CEP128: variants seen among roughly 807,000 people sequenced by gnomAD.
CEP128 encodes centrosomal protein 128kDa.
A neutral mutation model predicts 156.7 loss-of-function variants in CEP128; 132 were observed. The ratio of observed to expected loss-of-function variants is 0.84; its 90% CI spans 0.73 to 0.97. The LOEUF is 0.97. CEP128 is among the 50% of genes least tolerant of loss of function. CEP128 has a pLI of 0.00. For missense variants in CEP128, 1,252 were observed against 1,281.9 expected, an observed-to-expected ratio of 0.98 and a Z score of 0.36; for synonymous variants, 469 against 448.9, an observed-to-expected ratio of 1.04 and a Z score of -0.57.
intron 8 of CEP128, among the ~76,000 whole-genome samples, chr14:80,864,274 CA>C (rs1266149131): frequency 6.6e-6 from 1 of 152,058 alleles, no homozygotes; most frequent in Non-Finnish European, 1.5e-5. Flanking sequence ...TGGGGGAGTC[CA>C]AATTTATACT....
intron 19 of CEP128, among the ~76,000 whole-genome samples, chr14:80,699,924 T>C (rs1021667622): frequency 6.6e-6 from 1 of 151,980 alleles, no homozygotes; most frequent in Admixed American, 6.6e-5. Flanking sequence ...GGCAAGGAAG[T>C]AGTATATCTT....
At chr14:80,836,131 A>C (rs933748581) in intron 12 of CEP128, 74 bp downstream of exon 12, 7 of 1,386,726 alleles carry the variant, frequency 5.0e-6, no homozygotes, top group African/African-American at 1.4e-5. Context: ...TCTGAGGATG[A>C]AAAGTATTTT....
downstream of CEP128, among the ~76,000 whole-genome samples, chr14:80,489,064 A>G (rs1238077390): frequency 1.3e-5 from 2 of 151,662 alleles, no homozygotes; most frequent in Admixed American, 6.6e-5. Context: ...CAGCACACCA[A>G]CCTGGCACAT....
intron 21 of CEP128, among the ~76,000 whole-genome samples, chr14:80,541,904 C>T (rs904307568): frequency 6.6e-6 from 1 of 152,178 alleles, no homozygotes. Flanking sequence ...CTGGGTTAGT[C>T]ACCTACTGGC....
chr14:80,539,007 A>AC (rs1889616645), intron 21 of CEP128, among the ~76,000 whole-genome samples: 1 of 152,210 alleles, frequency 6.6e-6, no homozygotes, highest in African/African-American at 2.4e-5. Flanking sequence ...AAAGTGCCTG[A>AC]CCCAGGAGAG....
chr14:80,763,531 A>T (rs995175425), intron 16 of CEP128, among the ~76,000 whole-genome samples: 1 of 152,070 alleles, frequency 6.6e-6, no homozygotes. Flanking sequence ...TACCACCTAT[A>T]CCTTCTTATC....
chr14:80,786,552 A>G (rs963284705), intron 14 of CEP128, among the ~76,000 whole-genome samples: 1 of 152,232 alleles, frequency 6.6e-6, no homozygotes, highest in African/African-American at 2.4e-5. Flanking sequence ...GAAAGAGCAC[A>G]AAGATAACAT....
intron 8 of CEP128, among the ~76,000 whole-genome samples, chr14:80,894,318 C>T (rs755875867): frequency 6.6e-6 from 1 of 151,912 alleles, no homozygotes; most frequent in Non-Finnish European, 1.5e-5. Flanking sequence ...TTAAAGAGGA[C>T]CTTAGAGCAA....
chr14:80,805,655 T>C (rs1031769842), intron 13 of CEP128, among the ~76,000 whole-genome samples: 1 of 152,242 alleles, frequency 6.6e-6, no homozygotes, highest in Non-Finnish European at 1.5e-5. Context: ...TATGCTTGCA[T>C]GTCTTGATGA....
intron 11 of CEP128, among the ~76,000 whole-genome samples, chr14:80,837,949 G>A (rs1336995649): frequency 6.6e-6 from 1 of 152,224 alleles, no homozygotes; most frequent in Non-Finnish European, 1.5e-5. Flanking sequence ...TGCTAAGACA[G>A]ATAAGTAGTA....
chr14:80,524,094 G>C (rs1888870122), intron 23 of CEP128, among the ~76,000 whole-genome samples: 1 of 152,216 alleles, frequency 6.6e-6, no homozygotes, highest in South Asian at 2.1e-4. Flanking sequence ...TCTGTTAGAA[G>C]TAAGGTAACT....
intron 23 of CEP128, among the ~76,000 whole-genome samples, chr14:80,511,281 T>C (rs1247753493): frequency 6.6e-6 from 1 of 151,904 alleles, no homozygotes; most frequent in East Asian, 1.9e-4. Flanking sequence ...TTCGATCTCA[T>C]TACTTGTTAT....
chr14:80,792,500 C>T (rs1046791831), intron 14 of CEP128, among the ~76,000 whole-genome samples: 1 of 152,186 alleles, frequency 6.6e-6, no homozygotes, highest in Non-Finnish European at 1.5e-5. Context: ...AGGAAACTTA[C>T]ACCTAAATTG....
chr14:80,896,258 G>A (rs534662634), intron 7 of CEP128, among the ~76,000 whole-genome samples: 14 of 152,134 alleles, frequency 9.2e-5, no homozygotes, highest in African/African-American at 2.2e-4. Flanking sequence ...CTCACTAACC[G>A]ACCTCCCATT....
At chr14:80,838,428 T>C (rs973492454) in intron 10 of CEP128, 150 bp from the exon 11 acceptor site, 11 of 592,386 alleles carry the variant, frequency 1.9e-5, no homozygotes, top group Non-Finnish European at 3.0e-5. Flanking sequence ...ACTATGAACA[T>C]ATATCAATAC....
intron 8 of CEP128, among the ~76,000 whole-genome samples, chr14:80,865,183 A>G (rs1189405721): frequency 6.6e-6 from 1 of 152,088 alleles, no homozygotes; most frequent in Non-Finnish European, 1.5e-5. Flanking sequence ...CAGTATTTAT[A>G]TTTTTGTATC....
intron 13 of CEP128, among the ~76,000 whole-genome samples, chr14:80,827,484 A>T (rs1420952228): frequency 6.6e-6 from 1 of 152,224 alleles, no homozygotes; most frequent in African/African-American, 2.4e-5. Flanking sequence ...ACAGCAACAT[A>T]TCAAAAGAAA....
intron 19 of CEP128, among the ~76,000 whole-genome samples, chr14:80,580,824 A>C (rs1891560029): frequency 6.6e-6 from 1 of 152,112 alleles, no homozygotes; most frequent in Non-Finnish European, 1.5e-5. Flanking sequence ...AAAACAAACC[A>C]TTTGCCCTTA....
chr14:80,846,062 G>T (rs1392574708), intron 9 of CEP128, among the ~76,000 whole-genome samples: 1 of 152,084 alleles, frequency 6.6e-6, no homozygotes, highest in East Asian at 1.9e-4. Flanking sequence ...TTTGCATATG[G>T]TGCTGCACAA....
Sources: allele counts gnomAD v4.1 joint callset (sites outside exome capture counted in the v4.1 genomes callset), GRCh38; gene constraint gnomAD v4.1.1; transcripts MANE v1.5; gene names NCBI Gene and HGNC (gene_info 2026-07-23, HGNC 2026-07-21).